SKAP2: variants seen among roughly 807,000 people sequenced by gnomAD.
The protein encoded by SKAP2 is src kinase associated phosphoprotein 2.
Under a neutral mutation model 54.9 loss-of-function variants are expected in SKAP2, and 28 were observed. The observed-to-expected ratio is 0.51, with a 90% CI of 0.38 to 0.70. The LOEUF (loss-of-function observed/expected upper bound fraction) is 0.70. Ranked by LOEUF, SKAP2 falls within the 30% of genes least tolerant of loss-of-function variation. SKAP2 has a pLI of 0.00. For synonymous variants in SKAP2, 137 were observed against 134.3 expected (o/e 1.02, Z -0.14); for missense variants, 356 against 424.1 (o/e 0.84, Z 1.41).
Position 26,690,272 on chromosome 7 carries a change from C to T in SKAP2, c.874+13G>A, listed in dbSNP as rs753296938. On this transcript the variant is annotated intron_variant, in intron 10 of 12. Transcript: ENST00000345317. ...CAAAATAAGGTTTGCCAAGAAGCTA[C>T]ACAAGTCATTACCTGAGGTGTGATG... The T allele has an allele frequency of 1.9e-6, 3 of 1,574,002 alleles. No homozygotes were observed. The highest frequency in any genetic ancestry group is 2.6e-6 in the Non-Finnish European group (3 of 1,144,132).
intron 11 of SKAP2, among the ~76,000 whole-genome samples, chr7:26,678,830 T>C (rs1169572628): frequency 6.6e-6 from 1 of 152,136 alleles, no homozygotes; most frequent in Non-Finnish European, 1.5e-5. Context: ...CTTTTCTTAA[T>C]CAGTAGTCTA....
chr7:26,831,292 T>A (rs886908217), intron 4 of SKAP2, among the ~76,000 whole-genome samples: 1 of 152,108 alleles, frequency 6.6e-6, no homozygotes, highest in African/African-American at 2.4e-5. Context: ...CACAAAGAAG[T>A]ACAAGGGTTC....
At chr7:26,791,374 CT>C (rs1361149777) in intron 4 of SKAP2, among the ~76,000 whole-genome samples, 3 of 151,924 alleles carry the variant, frequency 2.0e-5, no homozygotes. Flanking sequence ...AGGGTTCTCA[CT>C]TTTTTGCCCA....
chr7:26,815,921 C>T (rs1312761225), intron 4 of SKAP2, among the ~76,000 whole-genome samples: 1 of 152,040 alleles, frequency 6.6e-6, no homozygotes, highest in African/African-American at 2.4e-5. Context: ...ACAATAAACA[C>T]TAAAGCATTT....
intron 4 of SKAP2, among the ~76,000 whole-genome samples, chr7:26,830,087 G>A (rs1784568684): frequency 6.6e-6 from 1 of 152,284 alleles, no homozygotes; most frequent in Non-Finnish European, 1.5e-5. Flanking sequence ...CTGGTAATAT[G>A]CTGGATGAAC....
At chr7:26,864,084 C>CACACACACACACA (rs536092948) in intron 1 of SKAP2, among the ~76,000 whole-genome samples, 5 of 150,040 alleles carry the variant, frequency 3.3e-5, no homozygotes, top group African/African-American at 4.9e-5. Context: ...CACACACACA[C>CACACACACACACA]CGTCTTCACA....
chr7:26,854,929 A>G (rs1423240323), intron 1 of SKAP2, 39 bp from the exon 2 acceptor site: 13 of 1,412,430 alleles, frequency 9.2e-6, no homozygotes, highest in Non-Finnish European at 1.2e-5. Context: ...ACAAATTATA[A>G]GAAATAAAGG....
intron 4 of SKAP2, among the ~76,000 whole-genome samples, chr7:26,742,892 T>TA (rs556490638): frequency 6.6e-6 from 1 of 152,142 alleles, no homozygotes; most frequent in African/African-American, 2.4e-5. Flanking sequence ...AATTTCCTTT[T>TA]AAAAAAATAT....
intron 4 of SKAP2, among the ~76,000 whole-genome samples, chr7:26,836,894 T>A (rs1442331574): frequency 6.6e-6 from 1 of 152,166 alleles, no homozygotes; most frequent in Non-Finnish European, 1.5e-5. Flanking sequence ...ACACGTATGT[T>A]TATCACAGCA....
chr7:26,774,499 T>TTGTG (rs10551497), intron 4 of SKAP2, among the ~76,000 whole-genome samples: 4 of 149,148 alleles, frequency 2.7e-5, no homozygotes, highest in East Asian at 2.0e-4. Flanking sequence ...CAAGATCAAG[T>TTGTG]TGTGTGTGTG....
chr7:26,849,040 A>C (rs891696681), intron 3 of SKAP2, among the ~76,000 whole-genome samples: 2 of 152,224 alleles, frequency 1.3e-5, no homozygotes, highest in Non-Finnish European at 2.9e-5. Context: ...TAGGTGGTCG[A>C]AGGAAAAAGC....
At chr7:26,753,737 T>A (rs1181001776) in intron 4 of SKAP2, among the ~76,000 whole-genome samples, 1 of 152,148 alleles carries the variant, frequency 6.6e-6, no homozygotes, top group African/African-American at 2.4e-5. Flanking sequence ...ATCCACTATG[T>A]GCCAGGCACT....
intron 4 of SKAP2, chr7:26,746,602 T>C (rs1007381998): frequency 1.3e-5 from 2 of 150,794 alleles, no homozygotes; most frequent in Admixed American, 6.6e-5. Context: ...TGTAATGTGA[T>C]CTCAGTTCCA....
At chr7:26,713,591 G>A (rs1473233706) in intron 9 of SKAP2, among the ~76,000 whole-genome samples, 1 of 150,418 alleles carries the variant, frequency 6.6e-6, no homozygotes, top group Non-Finnish European at 1.5e-5. Flanking sequence ...ATGCTTATTT[G>A]TTCTTTTTTG....
intron 9 of SKAP2, among the ~76,000 whole-genome samples, chr7:26,720,292 G>A (rs895524658): frequency 6.6e-6 from 1 of 152,196 alleles, no homozygotes; most frequent in Non-Finnish European, 1.5e-5. Flanking sequence ...CCCTTGTAAT[G>A]AAAGGAATTT....
At chr7:26,671,883 C>T (rs1786252270) in intron 11 of SKAP2, among the ~76,000 whole-genome samples, 1 of 151,874 alleles carries the variant, frequency 6.6e-6, no homozygotes, top group African/African-American at 2.4e-5. Context: ...AATAAAACTA[C>T]CCTTTTCTAT....
chr7:26,654,879 A>T, the SKAP2 span, among the ~76,000 whole-genome samples: 1 of 152,218 alleles, frequency 6.6e-6, no homozygotes, highest in Non-Finnish European at 1.5e-5. Flanking sequence ...AAACACAAAG[A>T]TTCCTTTTGA....
At chr7:26,748,508 T>G (rs764868008) in intron 4 of SKAP2, among the ~76,000 whole-genome samples, 15 of 152,100 alleles carry the variant, frequency 9.9e-5, no homozygotes, top group Admixed American at 9.8e-4. Context: ...AGATTCCACA[T>G]AAAAAATTTA....
chr7:26,862,045 T>G (rs1291584541), intron 1 of SKAP2, among the ~76,000 whole-genome samples: 1 of 151,908 alleles, frequency 6.6e-6, no homozygotes. Flanking sequence ...TACCAATATC[T>G]CCTCAGTTTC....
Sources: allele counts gnomAD v4.1 joint callset (sites outside exome capture counted in the v4.1 genomes callset), GRCh38; gene constraint gnomAD v4.1.1; transcripts MANE v1.5; gene names NCBI Gene and HGNC (gene_info 2026-07-23, HGNC 2026-07-21).